Variants in USP6NL observed in about 807,000 individuals in gnomAD.
USP6NL encodes USP6 N-terminal-like protein.
In USP6NL, 26 loss-of-function variants were observed where a neutral mutation model predicts 61.9. The ratio of observed to expected loss-of-function variants is 0.42; its 90% confidence interval spans 0.31 to 0.58. USP6NL has a LOEUF of 0.58. Among genes scored for constraint, USP6NL ranks in the 20% least tolerant of loss-of-function variants. The pLI, the probability that USP6NL is intolerant of heterozygous loss-of-function variation, is 0.16. For synonymous variants in USP6NL, 432 were observed against 390.1 expected (o/e 1.11, Z -1.27); for missense variants, 1,114 against 1,034.3 (o/e 1.08, Z -1.06).
At chr10:11,514,613 A>G (rs1834877262) in intron 5 of USP6NL, among the ~76,000 whole-genome samples, 1 of 151,878 alleles carries the variant, frequency 6.6e-6, no homozygotes, top group South Asian at 2.1e-4. Flanking sequence ...GTCTTTTACC[A>G]TTTCTTAGTG....
rs1250419903 is a variant in USP6NL, at chr10:11,499,770, T to C, written c.384+1331A>G. 1.3e-5 allele frequency among the ~76,000 whole-genome samples: 2 copies of C among 152,220 alleles called. No homozygotes were observed. Among genetic ancestry groups the C allele is most frequent in the South Asian group, 4.1e-4 (2 of 4,826 alleles). ...AAGTGTTGTCCTGCTGACACCTTAA[T>C]TTTGGACTTCTGTCCTCAAGAACTG... On this transcript the variant is annotated intron_variant, in intron 7 of 14. Coordinates refer to ENST00000609104, the MANE Select transcript of USP6NL (RefSeq NM_014688.5). The surrounding 1 kb of genome is among the most constrained non-coding windows in gnomAD (Gnocchi z 4.5).
rs1833052210 is a variant in USP6NL, at chr10:11,478,290, T to A, written c.1078+3480A>T. Among the ~76,000 whole-genome samples the A allele has an allele frequency of 6.6e-6, 1 of 152,206 alleles. No individual in the cohort carries two copies. The highest frequency in any genetic ancestry group is 2.4e-5 in the African/African-American group (1 of 41,458). On this transcript the variant is annotated intron_variant, in intron 14 of 14. Transcript: ENST00000609104. The surrounding 1 kb of genome is among the most constrained non-coding windows in gnomAD (Gnocchi z 6.8). ...ACCTGAGGCTGTGGAGAAATGGCAG[T>A]TCTGTAGCACACCTGTGGTTGTCCA...
rs73569199 is a variant in USP6NL at position 11,562,669 on chromosome 10, G to A, written c.4+34962C>T. 0.07 allele frequency: 69,111 copies of A among 985,124 alleles called. 3,740 individuals are homozygous for A. The highest frequency in any genetic ancestry group is 0.43 in the East Asian group (3,770 of 8,798). The allele number at this position is 985,124 out of a possible 1,614,324, so 61.0% of individuals were successfully genotyped here. ...TTGTGACACTCAACATTCATATGTT[G>A]TTAGCCACTTGTATTTCTGTAACTT... On this transcript the variant is annotated intron_variant, in intron 2 of 14. Coordinates refer to ENST00000609104, the MANE Select transcript of USP6NL (RefSeq NM_014688.5). The surrounding 1 kb of genome is among the most constrained non-coding windows in gnomAD (Gnocchi z 4.8).
chr10:11,571,792 TGAA>T (rs1359116854), intron 2 of USP6NL, among the ~76,000 whole-genome samples: 2 of 151,340 alleles, frequency 1.3e-5, no homozygotes, highest in East Asian at 1.9e-4. Context: ...TGGTTAATGA[TGAA>T]GAACACTATT....
Position 11,527,554 on chromosome 10 carries a change from A to G in USP6NL, c.18T>C (p.Asp6=), listed in dbSNP as rs1471866094. MNSDQ[D]VALKLAQERA... Reference sequence around the variant, plus strand: ...GCTCCTGGGCAAGTTTGAGTGCTACATCCTGGTCTGAATCTGTGGAGAAGA... The same window carrying G: ...GCTCCTGGGCAAGTTTGAGTGCTACGTCCTGGTCTGAATCTGTGGAGAAGA... Residue 6 remains aspartate (D), a synonymous_variant, in exon 3 of 15, where the codon GAT becomes GAC. Coordinates refer to ENST00000609104, the MANE Select transcript of USP6NL (RefSeq NM_014688.5). 2 of 1,609,414 alleles carry G rather than the reference A, an allele frequency of 1.2e-6. No individual in the cohort carries two copies. Among genetic ancestry groups the G allele is most frequent in the South Asian group, 1.1e-5 (1 of 89,786 alleles).
chr10:11,527,369 GATGA>G, intron 3 of USP6NL, 127 bp downstream of exon 3: 1 of 730,548 alleles, frequency 1.4e-6, no homozygotes, highest in Non-Finnish European at 2.3e-6. Context: ...AGTCAGCGAA[GATGA>G]TCTCTATGTC....
intron 2 of USP6NL, among the ~76,000 whole-genome samples, chr10:11,546,478 C>A (rs891140770): frequency 2.0e-5 from 3 of 151,994 alleles, no homozygotes; most frequent in Non-Finnish European, 1.5e-5. Flanking sequence ...CTAGGTTCAC[C>A]GCAACCTCCG....
intron 2 of USP6NL, among the ~76,000 whole-genome samples, chr10:11,554,966 A>ATTTTTTTTTTTTTTTTTTTTTTT (rs764342021): frequency 5.4e-5 from 6 of 111,844 alleles, no homozygotes; most frequent in Non-Finnish European, 9.0e-5. Context: ...TGCCCGGCTA[A>ATTTTTTTTTTTTTTTTTTTTTTT]TTTTTTTTTT....
At chr10:11,475,596 C>CAAAAAAAAA (rs35589300) in intron 14 of USP6NL, among the ~76,000 whole-genome samples, 2 of 38,726 alleles carry the variant, frequency 5.2e-5, no homozygotes, top group Non-Finnish European at 9.3e-5. Flanking sequence ...AACTCTGTCG[C>CAAAAAAAAA]AAAAAAAAAA....
At chr10:11,581,860 T>C (rs1448813240) in intron 2 of USP6NL, among the ~76,000 whole-genome samples, 1 of 152,162 alleles carries the variant, frequency 6.6e-6, no homozygotes, top group African/African-American at 2.4e-5. Flanking sequence ...CAACCTTTGC[T>C]TCCCAGGTTC....
intron 2 of USP6NL, among the ~76,000 whole-genome samples, chr10:11,576,505 G>T (rs1388561336): frequency 6.6e-6 from 1 of 152,192 alleles, no homozygotes; most frequent in Non-Finnish European, 1.5e-5. Flanking sequence ...CTTACAAGAG[G>T]TAATCCCAGA....
In USP6NL at chr10:11,465,925, AT is replaced by A. The variant is rs1041423817; in HGVS notation, c.1079-2077del. Among the ~76,000 whole-genome samples, 4 of 152,202 alleles carry A rather than the reference AT, an allele frequency of 2.6e-5. No homozygotes were observed. Among genetic ancestry groups the A allele is most frequent in the African/African-American group, 9.7e-5 (4 of 41,442 alleles). On this transcript the variant is annotated intron_variant, in intron 14 of 14. Transcript: ENST00000609104. This position sits in a 1 kb window ranked among gnomAD's most constrained non-coding sequence, Gnocchi z 4.5. ...TAATTTGCTTGTATGGTCCTAGCAC[AT>A]TTTCAGTGTCAACAATGTAATGAAA... is the stretch of plus-strand genomic sequence containing the variant.
intron 2 of USP6NL, among the ~76,000 whole-genome samples, chr10:11,530,174 C>G (rs1244017065): frequency 6.7e-6 from 1 of 149,584 alleles, no homozygotes; most frequent in Non-Finnish European, 1.5e-5. Flanking sequence ...AACTCCATTT[C>G]TATTATCAGA....
At position 11,462,263 on chromosome 10, in the gene USP6NL, T is replaced by C; in HGVS notation, c.*178A>G. On this transcript the variant is annotated 3_prime_UTR_variant, in exon 15 of 15. Coordinates refer to ENST00000609104, the MANE Select transcript of USP6NL (RefSeq NM_014688.5). ...GTCAGTGATGATGCAATTGAAACGC[T>C]CATCTTAAGCAGCATCTACGTGGGG... 2 of 733,680 alleles carry C rather than the reference T, an allele frequency of 2.7e-6. No individual in the cohort carries two copies. Among genetic ancestry groups the C allele is most frequent in the Non-Finnish European group, 4.3e-6 (2 of 468,344 alleles). 45.4% of individuals were successfully genotyped at this position (733,680 alleles called of 1,614,324 possible).
chr10:11,527,064 A>G (rs1321717169), intron 3 of USP6NL, among the ~76,000 whole-genome samples: 4 of 152,212 alleles, frequency 2.6e-5, no homozygotes, highest in African/African-American at 9.6e-5. Context: ...TAAATCAAAC[A>G]AAAGAAATTC....
At position 11,461,731 on chromosome 10, in the gene USP6NL, C is replaced by T. The variant is rs2096214852; in HGVS notation, c.*710G>A. The T allele has an allele frequency of 6.6e-6, 1 of 152,190 alleles. No homozygotes were observed. The highest frequency in any genetic ancestry group is 2.1e-4 in the South Asian group (1 of 4,822). The allele number at this position is 152,190 out of a possible 1,614,324, so 9.4% of individuals were successfully genotyped here. On this transcript the variant is annotated 3_prime_UTR_variant, in exon 15 of 15. Transcript: ENST00000609104. Reference sequence around the variant, plus strand: ...TTTAAGTGCCCCGATTTTTAAGCACCATTAAGTGGTTAGCCTTTCTCTCCA... The same window carrying T: ...TTTAAGTGCCCCGATTTTTAAGCACTATTAAGTGGTTAGCCTTTCTCTCCA...
intron 2 of USP6NL, among the ~76,000 whole-genome samples, chr10:11,531,354 A>G (rs969345908): frequency 7.2e-5 from 11 of 151,904 alleles, no homozygotes; most frequent in African/African-American, 2.2e-4. Context: ...ACCGAGTCTC[A>G]CTCTGTTGCC....
At chr10:11,529,619 T>C (rs1405928074) in intron 2 of USP6NL, among the ~76,000 whole-genome samples, 1 of 152,194 alleles carries the variant, frequency 6.6e-6, no homozygotes, top group Non-Finnish European at 1.5e-5. Context: ...AATGATTCAA[T>C]AAAATAAAAA....
chr10:11,503,239 C>T (rs993299247), intron 6 of USP6NL, among the ~76,000 whole-genome samples: 27 of 152,226 alleles, frequency 1.8e-4, no homozygotes, highest in Admixed American at 1.7e-3. Context: ...CTTCAGTGGA[C>T]CCGAACAAGT....
Sources: gnomAD v4.1 joint callset for allele counts (sites outside exome capture counted in the v4.1 genomes callset) on GRCh38, gnomAD v4.1.1 for gene constraint, Gnocchi (gnomAD v3.1) non-coding constraint, MANE v1.5 for transcripts, NCBI Gene and HGNC (gene_info 2026-07-23, HGNC 2026-07-21) for gene names.